The following ADGRD1 variants were observed in gnomAD, a reference collection of about 807,000 sequenced individuals.
ADGRD1 encodes the protein adhesion G protein-coupled receptor D1.
Under a neutral mutation model 113.4 loss-of-function variants are expected in ADGRD1, and 77 were observed. The ratio of observed to expected loss-of-function variants is 0.68; its 90% confidence interval spans 0.57 to 0.82. The LOEUF is 0.82. Ranked by LOEUF, ADGRD1 falls within the 40% of genes least tolerant of loss-of-function variation. The probability of loss-of-function intolerance (pLI) is 0.00; values close to 1 mark genes in which losing one functional copy is unlikely to be tolerated. For synonymous variants in ADGRD1, 474 were observed against 475.0 expected, an observed-to-expected ratio of 1.00 and a Z score of 0.03; for missense variants, 1,036 against 1,139.1, an observed-to-expected ratio of 0.91 and a Z score of 1.30.
At chr12:131,049,835 G>A (rs1230877540) in intron 13 of ADGRD1, among the ~76,000 whole-genome samples, 3 of 152,230 alleles carry the variant, frequency 2.0e-5, no homozygotes, top group African/African-American at 7.2e-5. Flanking sequence ...GTGCCTGTGA[G>A]TGGGGTCCGT....
intron 20 of ADGRD1, among the ~76,000 whole-genome samples, chr12:131,123,353 C>T (rs1447920384): frequency 6.6e-6 from 1 of 151,694 alleles, no homozygotes; most frequent in Non-Finnish European, 1.5e-5. Context: ...CCCTGGGAAG[C>T]TTTAAGAGTA....
At chr12:131,120,761 C>A in intron 19 of ADGRD1, 86 bp from the exon 20 acceptor site, 1 of 1,313,344 alleles carries the variant, frequency 7.6e-7, no homozygotes, top group Non-Finnish European at 1.1e-6. Context: ...CTGAGAAAGA[C>A]ATCACCTTAG....
At chr12:131,138,037 C>G in intron 23 of ADGRD1, 100 bp from the exon 24 acceptor site, 1 of 921,600 alleles carries the variant, frequency 1.1e-6, no homozygotes, top group Non-Finnish European at 1.8e-6. Flanking sequence ...CCCAACCTCC[C>G]TCGCACATCT....
intron 13 of ADGRD1, among the ~76,000 whole-genome samples, chr12:131,058,301 A>G (rs1406969569): frequency 6.6e-6 from 1 of 152,030 alleles, no homozygotes; most frequent in East Asian, 1.9e-4. Flanking sequence ...GTCCTGGGTC[A>G]GTGGAGCTCC....
chr12:131,005,406 A>G (rs1327967683), intron 11 of ADGRD1, among the ~76,000 whole-genome samples: 1 of 152,184 alleles, frequency 6.6e-6, no homozygotes, highest in Non-Finnish European at 1.5e-5. Flanking sequence ...TGAAATAGCA[A>G]AAGCACATGT....
chr12:131,138,680 C>A (rs983772446), intron 24 of ADGRD1, among the ~76,000 whole-genome samples: 1 of 152,082 alleles, frequency 6.6e-6, no homozygotes, highest in East Asian at 1.9e-4. Flanking sequence ...GAAGGCGCTC[C>A]CACCCATTCT....
At chr12:130,989,262 G>C (rs1235257916) in intron 6 of ADGRD1, 1 of 152,194 alleles carries the variant, frequency 6.6e-6, no homozygotes, top group Non-Finnish European at 1.5e-5. Flanking sequence ...AACAAAGCCT[G>C]CCCTCCTGAC....
chr12:131,102,369 C>T (rs1361068686), intron 15 of ADGRD1, among the ~76,000 whole-genome samples: 1 of 152,236 alleles, frequency 6.6e-6, no homozygotes, highest in Non-Finnish European at 1.5e-5. Flanking sequence ...TGTTGAGGAA[C>T]TTGTTTTGCC....
chr12:131,065,040 T>C (rs1263987424), intron 13 of ADGRD1, among the ~76,000 whole-genome samples: 1 of 152,238 alleles, frequency 6.6e-6, no homozygotes, highest in Admixed American at 6.5e-5. Context: ...TCTCTCTTTG[T>C]ATGTATTTAC....
chr12:131,039,847 A>C (rs1379731864), intron 13 of ADGRD1, among the ~76,000 whole-genome samples: 1 of 152,276 alleles, frequency 6.6e-6, no homozygotes, highest in Non-Finnish European at 1.5e-5. Context: ...GAGATGCCAC[A>C]TAAAAACCTG....
At chr12:131,020,388 G>A (rs1879191294) in intron 13 of ADGRD1, among the ~76,000 whole-genome samples, 1 of 152,228 alleles carries the variant, frequency 6.6e-6, no homozygotes, top group Non-Finnish European at 1.5e-5. Context: ...TCCAGGCCAG[G>A]ACCCCAAGCT....
chr12:131,039,663 G>A (rs190668614), intron 13 of ADGRD1, among the ~76,000 whole-genome samples: 2 of 151,618 alleles, frequency 1.3e-5, no homozygotes, highest in South Asian at 2.1e-4. Flanking sequence ...GCACCCACCC[G>A]AACCCAACCC....
intron 4 of ADGRD1, chr12:130,978,702 A>G (rs1872615265): frequency 6.6e-6 from 1 of 152,226 alleles, no homozygotes; most frequent in Non-Finnish European, 1.5e-5. Flanking sequence ...CTAACACCAC[A>G]TGGAATTTTT....
intron 11 of ADGRD1, among the ~76,000 whole-genome samples, chr12:131,005,264 T>G (rs974163764): frequency 1.3e-5 from 2 of 152,206 alleles, no homozygotes; most frequent in Non-Finnish European, 2.9e-5. Context: ...CCAGGGACGA[T>G]GCCACCTTCC....
intron 13 of ADGRD1, chr12:131,030,659 G>T (rs1880607917): frequency 6.6e-6 from 1 of 152,264 alleles, no homozygotes; most frequent in Non-Finnish European, 1.5e-5. Flanking sequence ...ACGTCCCGGG[G>T]AATAGTAGCC....
At chr12:131,115,260 A>G (rs11061333) in intron 18 of ADGRD1, among the ~76,000 whole-genome samples, 36,315 of 152,190 alleles carry the variant, frequency 0.24, 5,168 homozygotes, top group South Asian at 0.39. Flanking sequence ...GCCTCGAGCT[A>G]TGTGAGGGAA....
At chr12:131,125,672 A>G (rs1471765934) in intron 20 of ADGRD1, among the ~76,000 whole-genome samples, 1 of 152,216 alleles carries the variant, frequency 6.6e-6, no homozygotes, top group Non-Finnish European at 1.5e-5. Flanking sequence ...ATAGATACAG[A>G]TATATACAGA....
intron 13 of ADGRD1, among the ~76,000 whole-genome samples, chr12:131,046,726 T>G (rs1343300687): frequency 1.4e-5 from 2 of 138,424 alleles, no homozygotes; most frequent in Non-Finnish European, 3.1e-5. Flanking sequence ...CCCTCCCTGG[T>G]CAGTGCCCCC....
At chr12:131,042,165 A>G (rs1335664914) in intron 13 of ADGRD1, among the ~76,000 whole-genome samples, 1 of 152,222 alleles carries the variant, frequency 6.6e-6, no homozygotes, top group Non-Finnish European at 1.5e-5. Flanking sequence ...TTTTTTTGGT[A>G]AAGTTATGAA....
Sources: gnomAD v4.1 joint callset for allele counts (sites outside exome capture counted in the v4.1 genomes callset) on GRCh38, gnomAD v4.1.1 for gene constraint, MANE v1.5 for transcripts, NCBI Gene and HGNC (gene_info 2026-07-23, HGNC 2026-07-21) for gene names.